The following FBXO4 variants were observed in gnomAD, a reference collection of about 807,000 sequenced individuals.
The protein encoded by FBXO4 is F-box only protein 4.
Under a neutral mutation model 43.7 loss-of-function variants are expected in FBXO4, and 36 were observed. The ratio of observed to expected loss-of-function variants is 0.82; its 90% CI spans 0.63 to 1.09. The LOEUF is 1.09. Among genes scored for constraint, FBXO4 ranks in the 50% least tolerant of loss-of-function variants. FBXO4 has a pLI of 0.00. For synonymous variants in FBXO4, 180 were observed against 165.6 expected (o/e 1.09, Z -0.67); for missense variants, 435 against 474.1 (o/e 0.92, Z 0.77).
chr5:41,941,242 G>A lies in FBXO4; in HGVS notation c.1125G>A (p.Glu375=), dbSNP rs528126288. The change falls in exon 7 of 7, where the codon GAG becomes GAA. Residue 375 remains glutamate, a synonymous_variant. Coordinates refer to ENST00000281623, the MANE Select transcript of FBXO4 (RefSeq NM_012176.3). The part of the protein sequence containing the change: ...ETLTGFLNGI[E]WILEEVESKR... ...TGACTGGTTTTTTGAATGGCATTGA[G>A]TGGATTCTTGAAGAAGTGGAATCTA... is the stretch of plus-strand genomic sequence containing the variant. 9 of 1,613,758 alleles carry A rather than the reference G, an allele frequency of 5.6e-6. No individual in the cohort carries two copies. In the South Asian group the frequency reaches 8.8e-5, roughly 16 times the overall value.
At chr5:41,938,800 A>G (rs1751919756) in intron 5 of FBXO4, among the ~76,000 whole-genome samples, 1 of 152,186 alleles carries the variant, frequency 6.6e-6, no homozygotes, top group Non-Finnish European at 1.5e-5. Context: ...GCTAGCTGTC[A>G]GCTGGGGGCT....
chr5:41,955,400 A>G, the FBXO4 span, among the ~76,000 whole-genome samples: 1 of 152,196 alleles, frequency 6.6e-6, no homozygotes, highest in Non-Finnish European at 1.5e-5. Context: ...GATTTACCTT[A>G]CACATAAACA....
Position 41,927,056 on chromosome 5 carries a change from A to T in FBXO4, c.233A>T (p.Asp78Val). 1 of 1,613,516 alleles carries T rather than the reference A, an allele frequency of 6.2e-7. No homozygotes were observed. Among genetic ancestry groups the T allele is most frequent in the East Asian group, 2.2e-5 (1 of 44,776 alleles). Residue 78 changes from aspartate to valine, a missense_variant, in exon 2 of 7, where the codon GAT (aspartate) becomes GTT (valine). By Grantham distance (152) the Asp-to-Val change is radical (BLOSUM62 -3). Coordinates refer to ENST00000281623, the MANE Select transcript of FBXO4 (RefSeq NM_012176.3). ...LYILSFLSPH[D>V]LCQLGSTNHY... ...ATTTTGTCCTTTCTTTCACCTCATG[A>T]TCTGTGTCAGTTGGGAAGTACAAAT...
At chr5:41,992,653 G>T in the FBXO4 span, among the ~76,000 whole-genome samples, 1 of 152,102 alleles carries the variant, frequency 6.6e-6, no homozygotes, top group Non-Finnish European at 1.5e-5. Context: ...TAATTACAAT[G>T]GCCGGTTATT....
chr5:41,961,957 G>C, the FBXO4 span, among the ~76,000 whole-genome samples: 1 of 152,136 alleles, frequency 6.6e-6, no homozygotes, highest in South Asian at 2.1e-4. Context: ...CTCTCTCCTG[G>C]CATCTCAAGT....
chr5:42,037,350 A>G, the FBXO4 span, among the ~76,000 whole-genome samples: 18 of 152,042 alleles, frequency 1.2e-4, no homozygotes, highest in Non-Finnish European at 2.2e-4. Flanking sequence ...CCCTGATAGA[A>G]AGAATCCTAA....
At chr5:42,026,155 TTCTTTAATCCATAA>T in the FBXO4 span, among the ~76,000 whole-genome samples, 1 of 151,960 alleles carries the variant, frequency 6.6e-6, no homozygotes, top group Non-Finnish European at 1.5e-5. Flanking sequence ...AGATTATTGA[TTCTTTAATCCATAA>T]TCATGGAATA....
At chr5:41,974,546 G>C in the FBXO4 span, among the ~76,000 whole-genome samples, 2 of 151,994 alleles carry the variant, frequency 1.3e-5, no homozygotes, top group Non-Finnish European at 2.9e-5. Context: ...GTCTACTAAT[G>C]ACTCAGTTGA....
the FBXO4 span, among the ~76,000 whole-genome samples, chr5:41,994,302 G>C: frequency 1.3e-5 from 2 of 152,186 alleles, no homozygotes; most frequent in South Asian, 2.1e-4. Flanking sequence ...TATTTCCTTA[G>C]TACAAGTGTA....
chr5:41,983,491 T>C, the FBXO4 span, among the ~76,000 whole-genome samples: 12,733 of 152,226 alleles, frequency 0.084, 710 homozygotes, highest in African/African-American at 0.15. Flanking sequence ...CATTATTCAG[T>C]AAAGAAGTTT....
the FBXO4 span, among the ~76,000 whole-genome samples, chr5:41,990,538 A>G: frequency 6.6e-6 from 1 of 152,208 alleles, no homozygotes; most frequent in Non-Finnish European, 1.5e-5. Flanking sequence ...GCTAAGATCT[A>G]AAAAGTAGGA....
the FBXO4 span, among the ~76,000 whole-genome samples, chr5:42,027,413 A>T: frequency 2.0e-5 from 3 of 151,492 alleles, no homozygotes; most frequent in Non-Finnish European, 4.4e-5. Flanking sequence ...TTTGTTTCTG[A>T]TTTTATTTAG....
At chr5:41,948,151 T>A in the FBXO4 span, among the ~76,000 whole-genome samples, 2 of 151,588 alleles carry the variant, frequency 1.3e-5, no homozygotes, top group African/African-American at 2.4e-5. Context: ...TTTTTTTTTT[T>A]TTTGAGATGG....
At chr5:42,021,244 G>T in the FBXO4 span, among the ~76,000 whole-genome samples, 1 of 152,188 alleles carries the variant, frequency 6.6e-6, no homozygotes, top group South Asian at 2.1e-4. Flanking sequence ...TTAGCAACCA[G>T]TAGTGGCTTG....
At chr5:41,929,537 A>G (rs1040712586) in intron 2 of FBXO4, among the ~76,000 whole-genome samples, 160 bp from the exon 3 acceptor site, 1 of 152,186 alleles carries the variant, frequency 6.6e-6, no homozygotes, top group African/African-American at 2.4e-5. Flanking sequence ...CACTCCACAT[A>G]CATATTATAA....
the FBXO4 span, among the ~76,000 whole-genome samples, chr5:41,961,215 A>G: frequency 1.4e-4 from 21 of 152,244 alleles, no homozygotes; most frequent in African/African-American, 3.6e-4. Context: ...TCAGTGGCCA[A>G]TGGTGTGGAT....
At chr5:41,965,217 G>T in the FBXO4 span, among the ~76,000 whole-genome samples, 1 of 152,042 alleles carries the variant, frequency 6.6e-6, no homozygotes, top group African/African-American at 2.4e-5. Context: ...TATTTCTGAG[G>T]GCTCTGTTCT....
chr5:41,944,535 A>G (rs1048647236), downstream of FBXO4, among the ~76,000 whole-genome samples: 8 of 152,236 alleles, frequency 5.3e-5, no homozygotes, highest in African/African-American at 1.9e-4. Context: ...ATGAATTACA[A>G]TATCAAACAT....
the FBXO4 span, among the ~76,000 whole-genome samples, chr5:41,982,588 A>T: frequency 2.0e-5 from 3 of 152,038 alleles, no homozygotes; most frequent in Admixed American, 6.6e-5. Flanking sequence ...TTGAAAAAAA[A>T]TTATTTATAT....
Sources: allele counts gnomAD v4.1 joint callset (sites outside exome capture counted in the v4.1 genomes callset), GRCh38; gene constraint gnomAD v4.1.1; transcripts MANE v1.5; gene names NCBI Gene and HGNC (gene_info 2026-07-23, HGNC 2026-07-21).